The following RNF150 variants were observed in gnomAD, a reference collection of about 807,000 sequenced individuals.
The protein encoded by RNF150 is ring finger protein 150.
Under a neutral mutation model 39.3 loss-of-function variants are expected in RNF150, and 24 were observed. That is an observed-to-expected ratio of 0.61 (90% CI 0.44 to 0.86). The LOEUF (loss-of-function observed/expected upper bound fraction) is 0.86, where lower values mean the gene tolerates loss of function less well. RNF150 is among the 40% of genes least tolerant of loss of function. The pLI is 0.00. For synonymous variants in RNF150, 255 were observed against 227.3 expected, an observed-to-expected ratio of 1.12 and a Z score of -1.10; for missense variants, 502 against 587.8, an observed-to-expected ratio of 0.85 and a Z score of 1.51.
intron 1 of RNF150, among the ~76,000 whole-genome samples, chr4:140,981,562 G>C (rs918833079): frequency 1.3e-5 from 2 of 152,038 alleles, no homozygotes; most frequent in Non-Finnish European, 2.9e-5. Context: ...TCACACATAG[G>C]TACTTCACAA....
chr4:140,932,123 A>G (rs933244864), intron 4 of RNF150, among the ~76,000 whole-genome samples: 1 of 152,206 alleles, frequency 6.6e-6, no homozygotes. Flanking sequence ...GGTTATTAAA[A>G]AATGTGACTC....
chr4:141,034,931 GAC>G (rs1736085935), intron 1 of RNF150, among the ~76,000 whole-genome samples: 1 of 152,184 alleles, frequency 6.6e-6, no homozygotes, highest in Non-Finnish European at 1.5e-5. Flanking sequence ...ACCAAAATGT[GAC>G]AGAGACACAC....
chr4:140,901,835 A>G (rs1730197971), intron 6 of RNF150, among the ~76,000 whole-genome samples: 1 of 152,210 alleles, frequency 6.6e-6, no homozygotes, highest in Non-Finnish European at 1.5e-5. Flanking sequence ...AATACAGCAG[A>G]TGAGATGTGC....
At chr4:141,131,891 C>A (rs983347898) in intron 1 of RNF150, among the ~76,000 whole-genome samples, 15 of 152,098 alleles carry the variant, frequency 9.9e-5, no homozygotes, top group Non-Finnish European at 2.1e-4. Flanking sequence ...GGTAACCCTA[C>A]CCCTCTCCTG....
At chr4:141,192,812 A>G (rs1423788837) in intron 1 of RNF150, among the ~76,000 whole-genome samples, 2 of 152,126 alleles carry the variant, frequency 1.3e-5, no homozygotes, top group East Asian at 1.9e-4. Context: ...TTTACTCTTC[A>G]TTCTGTCTGA....
Position 140,868,156 on chromosome 4 carries a change from G to A in RNF150, c.*105C>T, listed in dbSNP as rs1437534253. The stretch of plus-strand genomic sequence containing the variant: ...TTCTTGAACGGAGCGCCCTGGAGTT[G>A]CCAAGGTGATCTGGAGGTGTGTGTG... On this transcript the variant is annotated 3_prime_UTR_variant, in exon 7 of 7. Transcript: ENST00000515673. The A allele has an allele frequency of 3.5e-5, 25 of 711,856 alleles. No individual in the cohort carries two copies. Among genetic ancestry groups the A allele is most frequent in the Admixed American group, 2.3e-4 (11 of 46,826 alleles). 44.1% of individuals were successfully genotyped at this position (711,856 alleles called of 1,614,324 possible).
intron 1 of RNF150, among the ~76,000 whole-genome samples, chr4:141,105,432 C>A (rs1739164500): frequency 6.6e-6 from 1 of 152,152 alleles, no homozygotes; most frequent in African/African-American, 2.4e-5. Context: ...TACTGAAATT[C>A]TCTCATTCCT....
At chr4:140,953,297 T>C (rs1011896715) in intron 2 of RNF150, among the ~76,000 whole-genome samples, 2 of 152,230 alleles carry the variant, frequency 1.3e-5, no homozygotes, top group Admixed American at 6.5e-5. Context: ...TTCTCTTCCA[T>C]TCCCTTTCCT....
chr4:141,144,332 C>T (rs1462035342), intron 1 of RNF150, among the ~76,000 whole-genome samples: 1 of 152,192 alleles, frequency 6.6e-6, no homozygotes, highest in African/African-American at 2.4e-5. Context: ...ACATATCAGA[C>T]TAAGCTTTCC....
chr4:141,126,155 G>C (rs947326781), intron 1 of RNF150, among the ~76,000 whole-genome samples: 2 of 151,976 alleles, frequency 1.3e-5, no homozygotes, highest in Admixed American at 1.3e-4. Context: ...TGGCATGGAA[G>C]ATCAAGACCA....
chr4:140,936,228 A>T (rs1731859475), intron 4 of RNF150, among the ~76,000 whole-genome samples: 1 of 152,164 alleles, frequency 6.6e-6, no homozygotes, highest in Non-Finnish European at 1.5e-5. Context: ...ATTATGGCTA[A>T]ATGTGCTATG....
chr4:140,868,622 T>A (rs1028755962), intron 6 of RNF150, among the ~76,000 whole-genome samples: 1 of 152,182 alleles, frequency 6.6e-6, no homozygotes, highest in Non-Finnish European at 1.5e-5. Context: ...TAGGAAAATA[T>A]ATATCTACCG....
intron 1 of RNF150, among the ~76,000 whole-genome samples, chr4:141,056,384 A>G (rs542405014): frequency 6.6e-6 from 1 of 152,246 alleles, no homozygotes; most frequent in South Asian, 2.1e-4. Context: ...TTTTAAAAAT[A>G]GTAGCTATTT....
At chr4:141,112,986 T>C (rs534718945) in intron 1 of RNF150, among the ~76,000 whole-genome samples, 4 of 152,206 alleles carry the variant, frequency 2.6e-5, no homozygotes, top group Admixed American at 2.0e-4. Context: ...ATCTTCAATT[T>C]CTGATAACCT....
At chr4:140,958,038 TATA>T in intron 2 of RNF150, among the ~76,000 whole-genome samples, 1 of 152,094 alleles carries the variant, frequency 6.6e-6, no homozygotes, top group Middle Eastern at 3.4e-3. Context: ...AAACTTAAAG[TATA>T]ATAATTTAAA....
intron 1 of RNF150, among the ~76,000 whole-genome samples, chr4:141,196,375 G>A (rs1001948693): frequency 3.9e-5 from 6 of 152,114 alleles, no homozygotes; most frequent in Admixed American, 2.0e-4. Context: ...CCCCCTTTTA[G>A]GACTTTGATT....
chr4:140,954,329 C>T (rs1413170174), intron 2 of RNF150, among the ~76,000 whole-genome samples: 2 of 152,116 alleles, frequency 1.3e-5, no homozygotes, highest in South Asian at 2.1e-4. Flanking sequence ...ATTCTCATAC[C>T]TCAGCCTCCT....
At chr4:141,153,278 G>A (rs1221371198) in intron 1 of RNF150, among the ~76,000 whole-genome samples, 1 of 152,144 alleles carries the variant, frequency 6.6e-6, no homozygotes, top group Non-Finnish European at 1.5e-5. Context: ...ACCACAGATG[G>A]TGACTGTGTT....
At chr4:141,067,790 T>C (rs72724435) in intron 1 of RNF150, among the ~76,000 whole-genome samples, 8,740 of 152,118 alleles carry the variant, frequency 0.057, 262 homozygotes, top group South Asian at 0.076. Flanking sequence ...ATAAAGACTT[T>C]TTATGTCAAG....
Sources: allele counts gnomAD v4.1 joint callset (sites outside exome capture counted in the v4.1 genomes callset), GRCh38; gene constraint gnomAD v4.1.1; transcripts MANE v1.5; gene names NCBI Gene and HGNC (gene_info 2026-07-23, HGNC 2026-07-21).